Variants in NALF1 observed in about 807,000 individuals in gnomAD.
NALF1 encodes the protein NALCN channel auxiliary factor 1.
A neutral mutation model predicts 48.4 loss-of-function variants in NALF1; 3 were observed. The ratio of observed to expected loss-of-function variants is 0.06; its 90% confidence interval spans 0.03 to 0.16. The LOEUF (loss-of-function observed/expected upper bound fraction) is 0.16. Among genes scored for constraint, NALF1 ranks in the 10% least tolerant of loss-of-function variants. NALF1 has a pLI of 1.00. For synonymous variants in NALF1, 262 were observed against 245.7 expected, an observed-to-expected ratio of 1.07 and a Z score of -0.62; for missense variants, 526 against 571.5, an observed-to-expected ratio of 0.92 and a Z score of 0.81.
At chr13:107,265,351 T>C (rs1251914932) in intron 1 of NALF1, among the ~76,000 whole-genome samples, 1 of 152,232 alleles carries the variant, frequency 6.6e-6, no homozygotes, top group Non-Finnish European at 1.5e-5. Context: ...TTTAAAACAT[T>C]AATTTAACTG....
At chr13:107,195,706 G>A (rs914563444) in intron 2 of NALF1, among the ~76,000 whole-genome samples, 2 of 152,076 alleles carry the variant, frequency 1.3e-5, no homozygotes, top group South Asian at 2.1e-4. Flanking sequence ...TAATACAATC[G>A]GTTCTTAGTA....
At chr13:107,556,032 TAA>T (rs1363585854) in intron 1 of NALF1, among the ~76,000 whole-genome samples, 4 of 152,102 alleles carry the variant, frequency 2.6e-5, no homozygotes, top group African/African-American at 9.7e-5. Flanking sequence ...AAATTTTATT[TAA>T]GTCTATGAAT....
intron 1 of NALF1, among the ~76,000 whole-genome samples, chr13:107,677,563 CAGG>C (rs2138491736): frequency 6.6e-6 from 1 of 152,096 alleles, no homozygotes; most frequent in East Asian, 1.9e-4. Context: ...TGTTCAGAAA[CAGG>C]AGAATAAAAT....
chr13:107,759,886 G>A (rs1489942272), intron 1 of NALF1, among the ~76,000 whole-genome samples: 1 of 152,002 alleles, frequency 6.6e-6, no homozygotes, highest in Non-Finnish European at 1.5e-5. Context: ...GGAATGAAGA[G>A]CCCATCAAGA....
intron 1 of NALF1, among the ~76,000 whole-genome samples, chr13:107,328,639 A>G (rs1432303018): frequency 6.6e-6 from 1 of 152,202 alleles, no homozygotes; most frequent in South Asian, 2.1e-4. Flanking sequence ...CTAAATGAAT[A>G]GTACAATGCC....
intron 1 of NALF1, among the ~76,000 whole-genome samples, chr13:107,646,121 A>G (rs573637868): frequency 4.6e-5 from 7 of 152,196 alleles, no homozygotes; most frequent in Non-Finnish European, 1.0e-4. Context: ...AGAGTTTTAC[A>G]CATCTTTTAA....
intron 1 of NALF1, among the ~76,000 whole-genome samples, chr13:107,755,694 T>C (rs1390643192): frequency 1.3e-5 from 2 of 152,052 alleles, no homozygotes; most frequent in Non-Finnish European, 2.9e-5. Context: ...ATATGTTTGA[T>C]TGCACATGCT....
intron 1 of NALF1, among the ~76,000 whole-genome samples, chr13:107,662,760 C>A (rs1880762875): frequency 6.6e-6 from 1 of 152,060 alleles, no homozygotes; most frequent in African/African-American, 2.4e-5. Flanking sequence ...TCTACATTTT[C>A]TAATGAAGAG....
chr13:107,838,413 G>T (rs1021818062), intron 1 of NALF1, among the ~76,000 whole-genome samples: 1 of 152,066 alleles, frequency 6.6e-6, no homozygotes, highest in Non-Finnish European at 1.5e-5. Flanking sequence ...CTTTTCAGTT[G>T]CAGTATTCTT....
At chr13:107,655,337 C>T (rs904546296) in intron 1 of NALF1, among the ~76,000 whole-genome samples, 7 of 152,208 alleles carry the variant, frequency 4.6e-5, no homozygotes, top group African/African-American at 1.7e-4. Flanking sequence ...GTACACAAAT[C>T]AGTAACACTG....
chr13:107,201,610 C>T lies in NALF1; in HGVS notation c.1087+8974G>A, dbSNP rs181908662. 7.2e-5 allele frequency among the ~76,000 whole-genome samples: 11 copies of T among 152,170 alleles called. No individual in the cohort carries two copies. In the East Asian group the frequency reaches 1.6e-3, roughly 22 times the overall value. On this transcript the variant is annotated intron_variant, in intron 2 of 2. Transcript: ENST00000375915. ...AAAAAAAGAAAGAAAAAAAAATGAC[C>T]TCTATGAGAAGAATTTACTATGCAG...
chr13:107,448,699 C>A (rs904757999), intron 1 of NALF1, among the ~76,000 whole-genome samples: 1 of 152,138 alleles, frequency 6.6e-6, no homozygotes, highest in East Asian at 1.9e-4. Flanking sequence ...GCATTTAGTA[C>A]TACATCACGC....
intron 1 of NALF1, among the ~76,000 whole-genome samples, chr13:107,854,863 C>T (rs1216719142): frequency 7.2e-6 from 1 of 138,488 alleles, no homozygotes; most frequent in East Asian, 2.2e-4. Flanking sequence ...ACACAGGTTC[C>T]ATCTCAAAAA....
At chr13:107,267,387 G>A (rs1156890630) in intron 1 of NALF1, among the ~76,000 whole-genome samples, 1 of 152,130 alleles carries the variant, frequency 6.6e-6, no homozygotes, top group African/African-American at 2.4e-5. Flanking sequence ...GGTTGCCAGG[G>A]AGGTGGAGGG....
chr13:107,438,390 A>T (rs2139023693), intron 1 of NALF1, among the ~76,000 whole-genome samples: 1 of 152,350 alleles, frequency 6.6e-6, no homozygotes, highest in East Asian at 1.9e-4. Flanking sequence ...GATTAGAAAC[A>T]TTATTGAAAA....
At chr13:107,469,036 A>G (rs1284573028) in intron 1 of NALF1, among the ~76,000 whole-genome samples, 1 of 152,126 alleles carries the variant, frequency 6.6e-6, no homozygotes, top group South Asian at 2.1e-4. Context: ...ATATTTTCCA[A>G]GGTCTCTGAG....
intron 2 of NALF1, among the ~76,000 whole-genome samples, chr13:107,195,233 T>C (rs1294191657): frequency 6.6e-6 from 1 of 152,166 alleles, no homozygotes; most frequent in Non-Finnish European, 1.5e-5. Context: ...GTTAAGAACT[T>C]ATCCATGTAA....
chr13:107,823,359 C>G (rs181465077), intron 1 of NALF1, among the ~76,000 whole-genome samples: 9 of 152,272 alleles, frequency 5.9e-5, no homozygotes, highest in African/African-American at 2.2e-4. Flanking sequence ...CCAATAATCC[C>G]CCATTTTACC....
chr13:107,196,769 A>G (rs1879400690), intron 2 of NALF1, among the ~76,000 whole-genome samples: 1 of 152,174 alleles, frequency 6.6e-6, no homozygotes, highest in Non-Finnish European at 1.5e-5. Flanking sequence ...CTAATGTAGA[A>G]CATGAGGACT....
Sources: gnomAD v4.1 joint callset for allele counts (sites outside exome capture counted in the v4.1 genomes callset) on GRCh38, gnomAD v4.1.1 for gene constraint, MANE v1.5 for transcripts, NCBI Gene and HGNC (gene_info 2026-07-23, HGNC 2026-07-21) for gene names.